The following WDPCP variants were observed in gnomAD, a reference collection of about 807,000 sequenced individuals.
WDPCP encodes WD repeat containing planar cell polarity effector.
WDPCP carries 71 observed loss-of-function variants against 93.1 expected under a neutral mutation model. The ratio of observed to expected loss-of-function variants is 0.76; its 90% confidence interval spans 0.63 to 0.93. The LOEUF is 0.93. Ranked by LOEUF, WDPCP falls within the 40% of genes least tolerant of loss-of-function variation. The probability of loss-of-function intolerance (pLI) is 0.00; values close to 1 mark genes in which losing one functional copy is unlikely to be tolerated. For synonymous variants in WDPCP, 315 were observed against 315.0 expected (o/e 1.00, Z 0.00); for missense variants, 844 against 887.4 (o/e 0.95, Z 0.62).
intron 2 of WDPCP, among the ~76,000 whole-genome samples, chr2:63,721,745 CG>C (rs1470304449): frequency 7.1e-6 from 1 of 140,586 alleles, no homozygotes; most frequent in African/African-American, 2.6e-5. Flanking sequence ...CCTCTCCCCA[CG>C]GTCTCCCTCT....
At chr2:63,594,542 C>T in intron 3 of WDPCP, 1 of 1,613,840 alleles carries the variant, frequency 6.2e-7, no homozygotes, top group Non-Finnish European at 8.5e-7. Context: ...TGCATATTCA[C>T]TGCTGTACAG....
chr2:63,373,070 C>A (rs1331721592), intron 12 of WDPCP, among the ~76,000 whole-genome samples: 1 of 151,958 alleles, frequency 6.6e-6, no homozygotes, highest in Non-Finnish European at 1.5e-5. Flanking sequence ...TTGCGGTGAG[C>A]CAAGATAACT....
At chr2:63,743,970 C>G (rs1362556718) in intron 2 of WDPCP, among the ~76,000 whole-genome samples, 1 of 152,052 alleles carries the variant, frequency 6.6e-6, no homozygotes, top group Non-Finnish European at 1.5e-5. Context: ...GCAGGGGCAA[C>G]TTATACACAT....
chr2:63,234,771 A>G (rs1056809796), intron 14 of WDPCP, among the ~76,000 whole-genome samples: 1 of 152,190 alleles, frequency 6.6e-6, no homozygotes, highest in Non-Finnish European at 1.5e-5. Flanking sequence ...TATAGAATGT[A>G]TGACAAGCGT....
chr2:63,321,248 T>G (rs972513955), intron 12 of WDPCP, among the ~76,000 whole-genome samples: 15 of 152,056 alleles, frequency 9.9e-5, no homozygotes, highest in African/African-American at 3.1e-4. Context: ...AAGTAATAGA[T>G]GATCTCTATA....
At chr2:63,622,684 G>C (rs1441202895) in intron 3 of WDPCP, 2 of 1,613,748 alleles carry the variant, frequency 1.2e-6, no homozygotes, top group African/African-American at 1.3e-5. Context: ...CGGGACAGCA[G>C]TTTCTGGTCA....
intron 11 of WDPCP, among the ~76,000 whole-genome samples, chr2:63,380,743 G>A (rs1227032087): frequency 4.0e-5 from 6 of 151,760 alleles, no homozygotes; most frequent in Non-Finnish European, 7.4e-5. Flanking sequence ...GAAAAATATC[G>A]GAATTTCCCG....
intron 9 of WDPCP, 111 bp downstream of exon 9, chr2:63,433,634 A>C: frequency 8.5e-7 from 1 of 1,171,514 alleles, no homozygotes; most frequent in Non-Finnish European, 1.2e-6. Context: ...TGAATATTTG[A>C]AAAACATAAA....
At chr2:63,725,721 C>T (rs1027723612) in intron 2 of WDPCP, among the ~76,000 whole-genome samples, 3 of 152,050 alleles carry the variant, frequency 2.0e-5, no homozygotes, top group African/African-American at 7.2e-5. Context: ...ATTTTTTTGA[C>T]TTTTTAATAA....
intron 14 of WDPCP, among the ~76,000 whole-genome samples, chr2:63,205,925 G>GT (rs1676304205): frequency 6.6e-6 from 1 of 151,994 alleles, no homozygotes; most frequent in Non-Finnish European, 1.5e-5. Flanking sequence ...AAAGGCTTTC[G>GT]TTTTTTTCTC....
chr2:63,604,783 A>C, intron 3 of WDPCP: 8 of 1,614,166 alleles, frequency 5.0e-6, no homozygotes, highest in Non-Finnish European at 6.8e-6. Flanking sequence ...TCCAGATGTC[A>C]ACCATGCCAA....
intron 12 of WDPCP, among the ~76,000 whole-genome samples, chr2:63,368,027 A>G (rs970642912): frequency 1.3e-5 from 2 of 152,222 alleles, no homozygotes; most frequent in East Asian, 1.9e-4. Flanking sequence ...CTCAGTTTCC[A>G]GGTATTGACA....
chr2:63,567,671 GTT>G (rs1273350792), intron 1 of WDPCP, among the ~76,000 whole-genome samples: 3 of 151,962 alleles, frequency 2.0e-5, no homozygotes, highest in Non-Finnish European at 4.4e-5. Flanking sequence ...GACATCCCTT[GTT>G]TTTTTCCCCT....
intron 6 of WDPCP, among the ~76,000 whole-genome samples, chr2:63,476,138 C>G (rs905896174): frequency 2.6e-5 from 4 of 152,118 alleles, no homozygotes; most frequent in African/African-American, 9.7e-5. Flanking sequence ...CTGGTTCTCA[C>G]GTGTTACCCT....
At chr2:63,731,698 G>T (rs536415086) in intron 2 of WDPCP, among the ~76,000 whole-genome samples, 69 of 152,304 alleles carry the variant, frequency 4.5e-4, no homozygotes, top group African/African-American at 1.5e-3. Flanking sequence ...TGTGCAGAGT[G>T]TTGGATACTG....
chr2:63,618,936 G>A (rs367969833), intron 3 of WDPCP, among the ~76,000 whole-genome samples: 3 of 152,162 alleles, frequency 2.0e-5, no homozygotes, highest in East Asian at 1.9e-4. Context: ...TGATTCGCCC[G>A]CCTCACCCTC....
At chr2:63,702,962 A>T (rs926698777) in intron 2 of WDPCP, among the ~76,000 whole-genome samples, 2 of 151,912 alleles carry the variant, frequency 1.3e-5, no homozygotes, top group Non-Finnish European at 2.9e-5. Flanking sequence ...ATGAGTGAGA[A>T]CATGTGGTGT....
At chr2:63,178,508 TTC>T (rs1361265229) in intron 14 of WDPCP, among the ~76,000 whole-genome samples, 2 of 152,198 alleles carry the variant, frequency 1.3e-5, no homozygotes, top group African/African-American at 4.8e-5. Flanking sequence ...GTTTGTAATA[TTC>T]TCTTACAACC....
intron 10 of WDPCP, among the ~76,000 whole-genome samples, chr2:63,383,553 A>C (rs1420738087): frequency 2.0e-5 from 3 of 152,138 alleles, no homozygotes; most frequent in Non-Finnish European, 4.4e-5. Flanking sequence ...TCTTTACTAA[A>C]AATACAAAAA....
Sources: allele counts gnomAD v4.1 joint callset (sites outside exome capture counted in the v4.1 genomes callset), GRCh38; gene constraint gnomAD v4.1.1; transcripts MANE v1.5; gene names NCBI Gene and HGNC (gene_info 2026-07-23, HGNC 2026-07-21).